Variants in CAPN5 observed in about 807,000 individuals in gnomAD.
CAPN5 encodes the protein calpain 5, also known as calpain-5.
Under a neutral mutation model 73.0 loss-of-function variants are expected in CAPN5, and 54 were observed. That is an observed-to-expected ratio of 0.74 (90% CI 0.59 to 0.93). CAPN5 has a LOEUF of 0.93. Ranked by LOEUF, CAPN5 falls within the 40% of genes least tolerant of loss-of-function variation. The pLI, the probability that CAPN5 is intolerant of heterozygous loss-of-function variation, is 0.00. For synonymous variants in CAPN5, 335 were observed against 356.9 expected (o/e 0.94, Z 0.69); for missense variants, 785 against 882.9 (o/e 0.89, Z 1.41).
chr11:77,084,859 C>T lies in CAPN5; in HGVS notation c.-28C>T, dbSNP rs1371294924. On this transcript the variant is annotated 5_prime_UTR_variant, in exon 2 of 13. Transcript: ENST00000648180. ...TCTTGCCTTCCTGTCCAGGTGTTCC[C>T]CCTCCCCTCCCTGGGGCAGCAGCCA... The T allele has an allele frequency of 5.6e-6, 9 of 1,613,588 alleles. No individual in the cohort carries two copies. The highest frequency in any genetic ancestry group is 1.6e-4 in the Middle Eastern group (1 of 6,062).
intron 1 of CAPN5, among the ~76,000 whole-genome samples, chr11:77,068,912 G>T (rs542821183): frequency 1.3e-5 from 2 of 152,174 alleles, no homozygotes; most frequent in Admixed American, 6.5e-5. Context: ...GGACAGGGTG[G>T]TTGTGAGATG....
chr11:77,120,772 C>A lies in CAPN5; in HGVS notation c.1350C>A (p.Ile450=). 1 of 1,614,058 alleles carries A rather than the reference C, an allele frequency of 6.2e-7. No homozygotes were observed. The highest frequency in any genetic ancestry group is 2.2e-5 in the East Asian group (1 of 44,882). Residue 450 remains isoleucine (I), a synonymous_variant, in exon 10 of 13, where the codon ATC becomes ATA. Coordinates refer to ENST00000648180, the MANE Select transcript of CAPN5 (RefSeq NM_004055.5). ...TGCAGCACAAGGCCGCCAGCTCCAT[C>A]TACATCAACTCACGCAGCGTCTTCC... ...HSLQHKAASS[I]YINSRSVFLR...
intron 3 of CAPN5, among the ~76,000 whole-genome samples, chr11:77,110,475 G>A (rs953416761): frequency 6.6e-6 from 1 of 152,174 alleles, no homozygotes; most frequent in East Asian, 1.9e-4. Context: ...GGAGGTGGGG[G>A]AAAGGAACAG....
chr11:77,115,922 G>A (rs1950463154), intron 6 of CAPN5, among the ~76,000 whole-genome samples: 1 of 152,110 alleles, frequency 6.6e-6, no homozygotes, highest in South Asian at 2.1e-4. Flanking sequence ...TGGGAGTGGA[G>A]CCCAGGTGCT....
At chr11:77,083,964 C>A (rs1421748202) in intron 1 of CAPN5, among the ~76,000 whole-genome samples, 1 of 152,244 alleles carries the variant, frequency 6.6e-6, no homozygotes, top group African/African-American at 2.4e-5. Context: ...TTACCCTGGG[C>A]AGGCCCCAGG....
At position 77,123,923 on chromosome 11, in the gene CAPN5, C is replaced by G; in HGVS notation, c.*53C>G. The G allele has an allele frequency of 6.4e-7, 1 of 1,552,956 alleles. No homozygotes were observed. ...GTTCCCACCACCATCTGCATGTCCC[C>G]ACTGGGCCTGAGTCTAGCCTGGGAG... On this transcript the variant is annotated 3_prime_UTR_variant, in exon 13 of 13. Coordinates refer to ENST00000648180, the MANE Select transcript of CAPN5 (RefSeq NM_004055.5).
chr11:77,107,152 T>C (rs782070573), intron 3 of CAPN5, among the ~76,000 whole-genome samples: 1 of 152,176 alleles, frequency 6.6e-6, no homozygotes, highest in Non-Finnish European at 1.5e-5. Flanking sequence ...CCCACCACTT[T>C]CCTGCCCTCC....
chr11:77,087,491 G>A (rs1950100789), intron 2 of CAPN5, among the ~76,000 whole-genome samples: 1 of 152,148 alleles, frequency 6.6e-6, no homozygotes. Context: ...TGTTCTTAGA[G>A]GGTCTCCTCA....
chr11:77,081,021 C>T lies in CAPN5; in HGVS notation c.-35-3831C>T, dbSNP rs1950022136. ...CACTGTGCAGGCTGGGTCTGACTCA[C>T]CGCTGCCCTGGCCACAGGAGGAGGA... On this transcript the variant is annotated intron_variant, in intron 1 of 12. Transcript: ENST00000648180. 3.3e-5 allele frequency among the ~76,000 whole-genome samples: 5 copies of T among 152,318 alleles called. No homozygotes were observed. In the South Asian group the frequency reaches 8.3e-4, roughly 25 times the overall value.
intron 1 of CAPN5, among the ~76,000 whole-genome samples, chr11:77,081,992 AG>A (rs2135418670): frequency 6.6e-6 from 1 of 152,122 alleles, no homozygotes; most frequent in South Asian, 2.1e-4. Flanking sequence ...CAATCCCTGG[AG>A]CCCCACATTG....
intron 1 of CAPN5, among the ~76,000 whole-genome samples, chr11:77,070,232 C>T (rs1359835424): frequency 6.6e-6 from 1 of 152,216 alleles, no homozygotes; most frequent in Non-Finnish European, 1.5e-5. Context: ...TTTTCTCCCA[C>T]AGTGGGCATG....
rs782689044 is a variant in CAPN5 at position 77,114,245 on chromosome 11, G to A, written c.510G>A (p.Leu170=). Residue 170 remains leucine, a synonymous_variant, in exon 5 of 13, where the codon CTG becomes CTA. Coordinates refer to ENST00000648180, the MANE Select transcript of CAPN5 (RefSeq NM_004055.5). ...CALVEKAYAK[L]AGCYQALDGG... is the part of the protein sequence containing the mutation. ...GTCTTTCCACATTGCTTCCCAGACT[G>A]GCAGGCTGTTACCAGGCCCTGGATG... The A allele has an allele frequency of 1.9e-6, 3 of 1,613,918 alleles. No homozygotes were observed. The East Asian group carries it at 6.7e-5, about 36-fold the overall frequency.
At chr11:77,096,928 A>C (rs1950214875) in intron 3 of CAPN5, among the ~76,000 whole-genome samples, 1 of 152,180 alleles carries the variant, frequency 6.6e-6, no homozygotes, top group African/African-American at 2.4e-5. Context: ...AGGCATTTAA[A>C]AATGCCTCCC....
chr11:77,079,187 G>A (rs1555034299), intron 1 of CAPN5, among the ~76,000 whole-genome samples: 1 of 151,706 alleles, frequency 6.6e-6, no homozygotes, highest in East Asian at 1.9e-4. Context: ...CCTAGAGATT[G>A]GGTCTTGCTA....
chr11:77,123,595 A>C, intron 12 of CAPN5, 93 bp from the exon 13 acceptor site: 1 of 1,085,646 alleles, frequency 9.2e-7, no homozygotes, highest in East Asian at 2.4e-5. Flanking sequence ...TTGCACTTCA[A>C]GGCCCTGCCA....
chr11:77,120,155 C>G (rs1262176725), intron 9 of CAPN5: 1 of 152,298 alleles, frequency 6.6e-6, no homozygotes, highest in African/African-American at 2.4e-5. Context: ...TCAAACGATC[C>G]TCCCACCTCA....
In CAPN5 at chr11:77,125,639, T is replaced by TATATAC. The variant is rs1459199941; in HGVS notation, c.*1770_*1771insTATACA. On this transcript the variant is annotated 3_prime_UTR_variant, in exon 13 of 13. Transcript: ENST00000648180. ...CTATATATATATATATATATATATA[T>TATATAC]ACATTCATGTAATCACCACTTCTCG... is the stretch of plus-strand genomic sequence containing the variant. 2 of 149,798 alleles carry TATATAC rather than the reference T, an allele frequency of 1.3e-5. No homozygotes were observed. Among genetic ancestry groups the TATATAC allele is most frequent in the East Asian group, 3.9e-4 (2 of 5,122 alleles). 9.3% of individuals were successfully genotyped at this position (149,798 alleles called of 1,614,324 possible).
At chr11:77,114,773 C>G (rs1950449233) in intron 5 of CAPN5, among the ~76,000 whole-genome samples, 1 of 152,222 alleles carries the variant, frequency 6.6e-6, no homozygotes, top group Non-Finnish European at 1.5e-5. Flanking sequence ...CTTTAGCAGA[C>G]CCTGTGCTGT....
At chr11:77,082,436 G>A (rs1229291835) in intron 1 of CAPN5, among the ~76,000 whole-genome samples, 4 of 152,238 alleles carry the variant, frequency 2.6e-5, no homozygotes, top group South Asian at 2.1e-4. Flanking sequence ...TGGTCTATCC[G>A]TGGCCTTCAG....
Sources: allele counts gnomAD v4.1 joint callset (sites outside exome capture counted in the v4.1 genomes callset), GRCh38; gene constraint gnomAD v4.1.1; transcripts MANE v1.5; gene names NCBI Gene and HGNC (gene_info 2026-07-23, HGNC 2026-07-21).